CHODL: variants seen among roughly 807,000 people sequenced by gnomAD.
The protein encoded by CHODL is chondrolectin.
A neutral mutation model predicts 34.5 loss-of-function variants in CHODL; 29 were observed. The observed-to-expected ratio is 0.84, with a 90% CI of 0.63 to 1.15. The LOEUF is 1.15. Among genes scored for constraint, CHODL ranks in the 50% most tolerant of loss-of-function variants. The probability of loss-of-function intolerance (pLI) is 0.00; values close to 1 mark genes in which losing one functional copy is unlikely to be tolerated. For missense variants in CHODL, 332 were observed against 332.5 expected (o/e 1.00, Z 0.01); for synonymous variants, 125 against 116.1 (o/e 1.08, Z -0.49).
chr21:18,028,389 A>T (rs1450276616), intron 2 of CHODL, among the ~76,000 whole-genome samples: 5 of 147,952 alleles, frequency 3.4e-5, no homozygotes, highest in Non-Finnish European at 7.4e-5. Context: ...GGTAAGTTTC[A>T]TAAGATCAAG....
chr21:18,245,320 T>C lies in CHODL; in HGVS notation c.79+18T>C. ...GGTCAGCGGTGAGTCAGGGGCCGTC[T>C]CCCCGAAGAACGAGCGGGGAGAGGG... On this transcript the variant is annotated intron_variant, in intron 1 of 5. Transcript: ENST00000299295. 1 of 1,510,796 alleles carries C rather than the reference T, an allele frequency of 6.6e-7. No homozygotes were observed. Among genetic ancestry groups the C allele is most frequent in the South Asian group, 1.2e-5 (1 of 82,092 alleles). The allele number at this position is 1,510,796 out of a possible 1,614,324, so 93.6% of individuals were successfully genotyped here.
chr21:18,059,215 A>T (rs1228906913), intron 2 of CHODL, among the ~76,000 whole-genome samples: 3 of 152,172 alleles, frequency 2.0e-5, no homozygotes, highest in Non-Finnish European at 4.4e-5. Context: ...TCATGTGAGG[A>T]CACATGAAAG....
Position 18,005,961 on chromosome 21 carries a change from C to T in CHODL, c.-144-21911C>T, listed in dbSNP as rs144894909. On this transcript the variant is annotated intron_variant, in intron 1 of 6. Transcript: ENST00000400127. ...TTCCACGTTTCATGGGGGGAACCCA[C>T]GGGGAAGTGACTGAATTATGGGGGC... Among the ~76,000 whole-genome samples, 584 of 152,198 alleles carry T rather than the reference C, an allele frequency of 3.8e-3. 6 individuals carry two copies. The highest frequency in any genetic ancestry group is 0.012 in the African/African-American group (498 of 41,534).
At chr21:18,248,470 A>G (rs1046596583) in intron 1 of CHODL, among the ~76,000 whole-genome samples, 6 of 149,722 alleles carry the variant, frequency 4.0e-5, no homozygotes, top group Admixed American at 3.3e-4. Flanking sequence ...CTAACCATTT[A>G]TCATAGCCAT....
At chr21:18,156,819 T>C (rs1218259666) in intron 2 of CHODL, among the ~76,000 whole-genome samples, 1 of 152,164 alleles carries the variant, frequency 6.6e-6, no homozygotes, top group Non-Finnish European at 1.5e-5. Flanking sequence ...CTGCTCTACA[T>C]GTCTGGGCCT....
intron 1 of CHODL, among the ~76,000 whole-genome samples, chr21:17,986,324 C>A (rs1238739918): frequency 1.3e-5 from 2 of 151,946 alleles, no homozygotes; most frequent in Non-Finnish European, 2.9e-5. Context: ...TAGCCCCCCA[C>A]CCCTGACAGG....
chr21:17,969,574 G>A (rs1161142113), intron 1 of CHODL, among the ~76,000 whole-genome samples: 1 of 152,170 alleles, frequency 6.6e-6, no homozygotes, highest in Non-Finnish European at 1.5e-5. Context: ...ATATTTTTCT[G>A]TTAGTGACAG....
At chr21:18,217,994 T>C (rs2073847075) in intron 2 of CHODL, among the ~76,000 whole-genome samples, 1 of 152,208 alleles carries the variant, frequency 6.6e-6, no homozygotes, top group African/African-American at 2.4e-5. Context: ...TTCACACATG[T>C]AGCTTTACTG....
intron 2 of CHODL, among the ~76,000 whole-genome samples, chr21:18,059,269 A>G (rs756632643): frequency 6.6e-6 from 1 of 152,096 alleles, no homozygotes; most frequent in Non-Finnish European, 1.5e-5. Context: ...CAGAAACCAA[A>G]TTTGCCATCA....
chr21:18,265,895 G>C (rs1317870059), intron 5 of CHODL, 59 bp from the exon 6 acceptor site: 23 of 1,366,090 alleles, frequency 1.7e-5, no homozygotes, highest in Non-Finnish European at 2.0e-5. Flanking sequence ...TTTGGACGTA[G>C]ACATGCTTAG....
chr21:18,101,790 T>G (rs771732283), intron 2 of CHODL, among the ~76,000 whole-genome samples: 5 of 151,866 alleles, frequency 3.3e-5, no homozygotes, highest in Admixed American at 2.0e-4. Context: ...AGAGCATTAA[T>G]GAAATTACTG....
At chr21:18,212,069 G>A (rs2073780102) in intron 2 of CHODL, among the ~76,000 whole-genome samples, 1 of 152,060 alleles carries the variant, frequency 6.6e-6, no homozygotes, top group South Asian at 2.1e-4. Context: ...TTTTGCTTTG[G>A]GGATGGGAAT....
chr21:17,944,173 G>C (rs901763375), intron 1 of CHODL, among the ~76,000 whole-genome samples: 2 of 151,982 alleles, frequency 1.3e-5, no homozygotes, highest in Non-Finnish European at 2.9e-5. Context: ...CAAAGCAAAG[G>C]GCTACATTGG....
At chr21:18,011,935 A>T (rs952104744) in intron 1 of CHODL, among the ~76,000 whole-genome samples, 6 of 152,208 alleles carry the variant, frequency 3.9e-5, no homozygotes, top group Non-Finnish European at 7.3e-5. Context: ...GAAGACTACA[A>T]ATCAACTTAG....
intron 2 of CHODL, among the ~76,000 whole-genome samples, chr21:18,136,159 T>A (rs2072725888): frequency 6.7e-6 from 1 of 149,958 alleles, no homozygotes; most frequent in Non-Finnish European, 1.5e-5. Context: ...TACAGTGACA[T>A]CTCTGCCTTA....
chr21:17,919,713 A>G (rs908359777), intron 1 of CHODL, among the ~76,000 whole-genome samples: 1 of 152,082 alleles, frequency 6.6e-6, no homozygotes. Context: ...GCCAGCTTGA[A>G]TTTCTCCTCA....
intron 1 of CHODL, among the ~76,000 whole-genome samples, chr21:18,025,517 T>C (rs1246130564): frequency 6.6e-6 from 1 of 152,228 alleles, no homozygotes; most frequent in East Asian, 1.9e-4. Flanking sequence ...AGTAAATCTA[T>C]GTCCCTCTAC....
At chr21:17,993,202 G>T (rs562159607) in intron 1 of CHODL, among the ~76,000 whole-genome samples, 1 of 139,034 alleles carries the variant, frequency 7.2e-6, no homozygotes, top group Admixed American at 7.4e-5. Flanking sequence ...TTATTTTGAG[G>T]TATGTTCTTT....
chr21:18,157,484 A>G (rs1403281936), intron 2 of CHODL, among the ~76,000 whole-genome samples: 1 of 152,252 alleles, frequency 6.6e-6, no homozygotes, highest in Non-Finnish European at 1.5e-5. Context: ...GTAACATTAT[A>G]GATATATTCC....
Sources: gnomAD v4.1 joint callset for allele counts (sites outside exome capture counted in the v4.1 genomes callset) on GRCh38, gnomAD v4.1.1 for gene constraint, MANE v1.5 for transcripts, NCBI Gene and HGNC (gene_info 2026-07-23, HGNC 2026-07-21) for gene names.